Variants in NDUFA10 observed in about 807,000 individuals in gnomAD.
NDUFA10 encodes NADH:ubiquinone oxidoreductase subunit A10, also known as NADH dehydrogenase [ubiquinone] 1 alpha subcomplex subunit 10, mitochondrial.
In NDUFA10, 40 loss-of-function variants were observed where a neutral mutation model predicts 47.8. That is an observed-to-expected ratio of 0.84 (90% CI 0.65 to 1.09). The LOEUF is 1.09. NDUFA10 is among the 50% of genes least tolerant of loss of function. The pLI is 0.00. For synonymous variants in NDUFA10, 183 were observed against 172.2 expected (o/e 1.06, Z -0.49); for missense variants, 413 against 451.1 (o/e 0.92, Z 0.76).
rs747110862 is a variant in NDUFA10 at position 240,018,561 on chromosome 2, C to T, written c.539G>A (p.Arg180Gln). 38 of 1,614,206 alleles carry T rather than the reference C, an allele frequency of 2.4e-5. No individual in the cohort carries two copies. In the South Asian group the frequency reaches 3.6e-4, roughly 15 times the overall value. The change falls in exon 4 of 10, where the codon CGA becomes CAA. Residue 180 changes from arginine to glutamine, a missense_variant. Arg to Gln is a conservative substitution (Grantham distance 43, BLOSUM62 1). Coordinates refer to ENST00000252711, the MANE Select transcript of NDUFA10 (RefSeq NM_004544.4). ...LEAMYNQGFIRKQCVDHYNEV... is the reference protein window; with the variant it reads ...LEAMYNQGFIQKQCVDHYNEV... ...CTGCAATGCTGACTCACACTGCTTT[C>T]GGATGAATCCCTGGTTGTACATCGC...
At chr2:240,020,685 C>A (rs947023030) in intron 3 of NDUFA10, among the ~76,000 whole-genome samples, 12 of 152,206 alleles carry the variant, frequency 7.9e-5, no homozygotes, top group Non-Finnish European at 1.6e-4. Flanking sequence ...CCCTACTGCA[C>A]TGGCCTATGG....
intron 4 of NDUFA10, among the ~76,000 whole-genome samples, chr2:239,918,757 G>A (rs958079778): frequency 3.9e-5 from 6 of 152,294 alleles, no homozygotes; most frequent in South Asian, 4.1e-4. Flanking sequence ...TTGGGACCAC[G>A]CATGGTGACT....
At position 239,945,394 on chromosome 2, in the gene NDUFA10, C is replaced by A. The variant is rs955948822; in HGVS notation, c.294+44680G>T. On this transcript the variant is annotated intron_variant, in intron 4 of 5. Transcript: ENST00000419408. This position sits in a 1 kb window ranked among gnomAD's most constrained non-coding sequence, Gnocchi z 4.6. ...AATCAGAGCCTCCTTGCTACCCAGA[C>A]CAAGCTCCTCACCTCTGAGCGTCGC... Among the ~76,000 whole-genome samples, 3 of 152,206 alleles carry A rather than the reference C, an allele frequency of 2.0e-5. No individual in the cohort carries two copies. Among genetic ancestry groups the A allele is most frequent in the African/African-American group, 7.2e-5 (3 of 41,458 alleles).
intron 9 of NDUFA10, among the ~76,000 whole-genome samples, chr2:239,978,812 T>C (rs1211349817): frequency 1.3e-5 from 2 of 152,196 alleles, no homozygotes; most frequent in African/African-American, 2.4e-5. Context: ...ATAAGGTCTA[T>C]TGAAATAGGT....
At chr2:239,917,600 C>T (rs1304903162) in intron 4 of NDUFA10, among the ~76,000 whole-genome samples, 1 of 152,242 alleles carries the variant, frequency 6.6e-6, no homozygotes, top group Non-Finnish European at 1.5e-5. Flanking sequence ...TGCATAGCAA[C>T]AGTCATGTGT....
chr2:239,895,127 C>A (rs189968173), intron 5 of NDUFA10: 1 of 306,968 alleles, frequency 3.3e-6, no homozygotes, highest in East Asian at 1.2e-4. Flanking sequence ...CTTATCCCCA[C>A]CATCCATCAC....
intron 4 of NDUFA10, among the ~76,000 whole-genome samples, chr2:239,951,220 G>A (rs756296865): frequency 3.9e-5 from 6 of 152,208 alleles, no homozygotes; most frequent in Admixed American, 6.5e-5. Context: ...ACCCTGCAGC[G>A]ATGGGACCCG....
intron 4 of NDUFA10, among the ~76,000 whole-genome samples, chr2:239,912,143 C>T (rs1329199397): frequency 6.6e-6 from 1 of 152,176 alleles, no homozygotes; most frequent in East Asian, 1.9e-4. Context: ...AACATTCAGG[C>T]CTCAGTCCTG....
At chr2:239,911,680 C>CT (rs533634813) in intron 4 of NDUFA10, among the ~76,000 whole-genome samples, 1 of 149,734 alleles carries the variant, frequency 6.7e-6, no homozygotes, top group African/African-American at 2.5e-5. Flanking sequence ...AGTGTGTGTG[C>CT]GTGTGTGTGT....
intron 4 of NDUFA10, among the ~76,000 whole-genome samples, chr2:239,901,170 C>T (rs909730809): frequency 1.3e-5 from 2 of 152,130 alleles, no homozygotes; most frequent in African/African-American, 4.8e-5. Context: ...AATCCTAGGA[C>T]CCTTAAAAAT....
intron 4 of NDUFA10, among the ~76,000 whole-genome samples, chr2:239,929,234 T>G (rs1694117176): frequency 6.6e-6 from 1 of 152,142 alleles, no homozygotes; most frequent in Non-Finnish European, 1.5e-5. Flanking sequence ...GCTGCTGCCC[T>G]GGAGACAGGG....
chr2:240,009,366 T>C (rs1697058347), intron 6 of NDUFA10, among the ~76,000 whole-genome samples: 1 of 152,212 alleles, frequency 6.6e-6, no homozygotes, highest in African/African-American at 2.4e-5. Flanking sequence ...TAAGTATATG[T>C]TGAACGCGGG....
At chr2:239,914,793 CAG>C (rs1432073777) in intron 4 of NDUFA10, among the ~76,000 whole-genome samples, 1 of 145,200 alleles carries the variant, frequency 6.9e-6, no homozygotes, top group Non-Finnish European at 1.5e-5. Context: ...TACAGACACA[CAG>C]ATACACATAC....
Position 239,935,518 on chromosome 2 carries a change from CCA to C in NDUFA10, c.295-40206_295-40205del, listed in dbSNP as rs527712899. On this transcript the variant is annotated intron_variant, in intron 4 of 5. Transcript: ENST00000419408. ...TCAGCTCATGGTGCGTAATATTTTC[CCA>C]CAGAGTTGAGGACGGGGACTCCCTG... Among the ~76,000 whole-genome samples, 458 of 152,096 alleles carry C rather than the reference CCA, an allele frequency of 3.0e-3. 5 individuals carry two copies. The highest frequency in any genetic ancestry group is 0.01 in the African/African-American group (433 of 41,414).
intron 4 of NDUFA10, among the ~76,000 whole-genome samples, chr2:239,910,214 C>T (rs11677268): frequency 6.6e-6 from 1 of 152,018 alleles, no homozygotes; most frequent in Non-Finnish European, 1.5e-5. Context: ...CCTGTTACTG[C>T]ATATATACTC....
chr2:239,983,835 A>G lies in NDUFA10; in HGVS notation c.999+6239T>C, dbSNP rs150911135. On this transcript the variant is annotated intron_variant, in intron 9 of 9. Transcript: ENST00000252711. ...ACAACCAAGAGGTACCTAAGGAGAC[A>G]TGAGGACCCAATGTCATGTGATATT... 7.3e-3 allele frequency: 10,643 copies of G among 1,452,136 alleles called. 67 individuals are homozygous for G. Among genetic ancestry groups the G allele is most frequent in the Non-Finnish European group, 8.8e-3 (9,569 of 1,091,292 alleles). The allele number at this position is 1,452,136 out of a possible 1,614,324, so 90.0% of individuals were successfully genotyped here. A position where few individuals can be genotyped will look rare whatever the true frequency, so the allele number is the denominator to read the frequency against.
At position 239,958,483 on chromosome 2, in the gene NDUFA10, G is replaced by A. The variant is rs186156782; in HGVS notation, c.*2635C>T. 2.0e-5 allele frequency: 3 copies of A among 152,332 alleles called. No individual in the cohort carries two copies. Among genetic ancestry groups the A allele is most frequent in the Non-Finnish European group, 2.9e-5 (2 of 68,034 alleles). The allele number at this position is 152,332 out of a possible 1,614,324, so 9.4% of individuals were successfully genotyped here. ...TTCAATTGAAGCGGCGTAACTGAAGGTCCCTGGGTCCACCTGTGGCCTGGA... is the reference window on the plus strand; with the variant it reads ...TTCAATTGAAGCGGCGTAACTGAAGATCCCTGGGTCCACCTGTGGCCTGGA... On this transcript the variant is annotated 3_prime_UTR_variant, in exon 10 of 10. Transcript: ENST00000252711.
At chr2:239,921,351 C>T (rs749496480) in intron 4 of NDUFA10, among the ~76,000 whole-genome samples, 1 of 149,624 alleles carries the variant, frequency 6.7e-6, no homozygotes, top group Non-Finnish European at 1.5e-5. Context: ...AAGGAAAGAA[C>T]AAAGCTTCTA....
chr2:239,944,772 G>A (rs1239273610), intron 4 of NDUFA10, among the ~76,000 whole-genome samples: 35 of 152,118 alleles, frequency 2.3e-4, no homozygotes, highest in Admixed American at 2.3e-3. Flanking sequence ...CCAGCTCAAG[G>A]AGCAAGCTCT....
Sources: allele counts gnomAD v4.1 joint callset (sites outside exome capture counted in the v4.1 genomes callset), GRCh38; gene constraint gnomAD v4.1.1; non-coding constraint Gnocchi (gnomAD v3.1); transcripts MANE v1.5; gene names NCBI Gene and HGNC (gene_info 2026-07-23, HGNC 2026-07-21).